The following GMPS variants were observed in gnomAD, a reference collection of about 807,000 sequenced individuals.
GMPS encodes the protein GMP synthase [glutamine-hydrolyzing].
GMPS carries 15 observed loss-of-function variants against 77.9 expected under a neutral mutation model. The observed-to-expected ratio is 0.19, with a 90% CI of 0.13 to 0.30. The LOEUF (loss-of-function observed/expected upper bound fraction) is 0.30, where lower values mean the gene tolerates loss of function less well. GMPS is among the 10% of genes least tolerant of loss of function. GMPS has a pLI of 1.00. For missense variants in GMPS, 590 were observed against 838.8 expected, an observed-to-expected ratio of 0.70 and a Z score of 3.66; for synonymous variants, 224 against 275.9, an observed-to-expected ratio of 0.81 and a Z score of 1.86.
At chr3:155,925,672 A>G (rs1035346090) in intron 12 of GMPS, among the ~76,000 whole-genome samples, 4 of 152,202 alleles carry the variant, frequency 2.6e-5, no homozygotes, top group Admixed American at 1.3e-4. Flanking sequence ...TGGAACATCT[A>G]TGAACTCTAA....
chr3:155,925,799 G>T (rs576704583), intron 12 of GMPS, among the ~76,000 whole-genome samples: 1 of 152,164 alleles, frequency 6.6e-6, no homozygotes, highest in Admixed American at 6.5e-5. Flanking sequence ...TGTGGTTTTA[G>T]AAGTCTTTAA....
At chr3:155,936,622 C>A in intron 15 of GMPS, 112 bp downstream of exon 15, 2 of 644,820 alleles carry the variant, frequency 3.1e-6, no homozygotes, top group South Asian at 2.3e-5. Flanking sequence ...GTTTTCTGTT[C>A]ATAAGATAGG....
At chr3:155,913,264 G>T (rs945453156) in intron 7 of GMPS, among the ~76,000 whole-genome samples, 1 of 152,132 alleles carries the variant, frequency 6.6e-6, no homozygotes, top group Admixed American at 6.5e-5. Context: ...GTCATCTTAC[G>T]GTGAAGGCCT....
At position 155,912,953 on chromosome 3, in the gene GMPS, T is replaced by G. The variant is rs1278357196; in HGVS notation, c.887-1466T>G. On this transcript the variant is annotated intron_variant, in intron 7 of 15. Coordinates refer to ENST00000496455, the MANE Select transcript of GMPS (RefSeq NM_003875.3). ...TCCTTAGCACAGGAGCAAACTGTGC[T>G]CTCCTTCCCCATCAGAACACTGTGG... Among the ~76,000 whole-genome samples, 7 of 152,278 alleles carry G rather than the reference T, an allele frequency of 4.6e-5. No homozygotes were observed. In the East Asian group the frequency reaches 1.3e-3, roughly 29 times the overall value.
At position 155,943,313 on chromosome 3, in the gene GMPS, A is replaced by G; in HGVS notation, c.*5621A>G. 5.5e-6 allele frequency: 1 copy of G among 181,242 alleles called. No homozygotes were observed. Among genetic ancestry groups the G allele is most frequent in the Non-Finnish European group, 1.2e-5 (1 of 84,752 alleles). 11.2% of individuals were successfully genotyped at this position (181,242 alleles called of 1,614,324 possible). ...TTAAGGGCCCTTGGTTAGCAAAATTATGAAAGTTTAGGAAATTTGGCTATT... is the reference window on the plus strand; with the variant it reads ...TTAAGGGCCCTTGGTTAGCAAAATTGTGAAAGTTTAGGAAATTTGGCTATT... On this transcript the variant is annotated 3_prime_UTR_variant, in exon 16 of 16. Coordinates refer to ENST00000496455, the MANE Select transcript of GMPS (RefSeq NM_003875.3).
chr3:155,925,393 T>G (rs1251411439), intron 12 of GMPS, 27 bp downstream of exon 12: 1 of 1,535,932 alleles, frequency 6.5e-7, no homozygotes, highest in South Asian at 1.2e-5. Context: ...CATTCACCAG[T>G]GATATACTTT....
chr3:155,942,365 G>A lies in GMPS; in HGVS notation c.*4673G>A, dbSNP rs894335237. 15 of 203,766 alleles carry A rather than the reference G, an allele frequency of 7.4e-5. No individual in the cohort carries two copies. Among genetic ancestry groups the A allele is most frequent in the Non-Finnish European group, 1.4e-4 (14 of 99,546 alleles). The allele number at this position is 203,766 out of a possible 1,614,324, so 12.6% of individuals were successfully genotyped here. On this transcript the variant is annotated 3_prime_UTR_variant, in exon 16 of 16. Transcript: ENST00000496455. ...GGCCTCTCAGAGTGCTGGGATTACAGGCGTGAGCCACCACGCCCGGCAAGC... is the reference window on the plus strand; with the variant it reads ...GGCCTCTCAGAGTGCTGGGATTACAAGCGTGAGCCACCACGCCCGGCAAGC...
intron 12 of GMPS, among the ~76,000 whole-genome samples, chr3:155,930,678 AC>A (rs1755592175): frequency 6.6e-6 from 1 of 152,194 alleles, no homozygotes; most frequent in African/African-American, 2.4e-5. Flanking sequence ...AAAACAAACA[AC>A]CCCATAAAAT....
In GMPS at chr3:155,936,403, C is replaced by T. The variant is rs761115393; in HGVS notation, c.1873C>T (p.Leu625Phe). 1.5e-5 allele frequency: 24 copies of T among 1,608,832 alleles called. 1 individual carries two copies. In the South Asian group the frequency reaches 2.0e-4, roughly 13 times the overall value. Residue 625 changes from leucine to phenylalanine, a missense_variant, in exon 15 of 16, where the codon CTT becomes TTT. By Grantham distance (22) the Leu-to-Phe change is conservative. Coordinates refer to ENST00000496455, the MANE Select transcript of GMPS (RefSeq NM_003875.3). ...LTPLHFDRDP[L>F]QKQPSCQRSV... is the part of the protein sequence containing the mutation. ...ACCATTACATTTTGATCGGGACCCA[C>T]TTCAAAAGCAGCCTTCATGCCAGAG...
rs993903701 is a variant in GMPS, at chr3:155,940,931, C to G, written c.*3239C>G. ...ATCAAAGTTTTCCTGGTAGGAATCT[C>G]TCTTTACTGCGTGTTTTTTTGAAAA... On this transcript the variant is annotated 3_prime_UTR_variant, in exon 16 of 16. Transcript: ENST00000496455. 1 of 211,460 alleles carries G rather than the reference C, an allele frequency of 4.7e-6. No homozygotes were observed. Among genetic ancestry groups the G allele is most frequent in the Non-Finnish European group, 9.6e-6 (1 of 104,362 alleles). The allele number at this position is 211,460 out of a possible 1,614,324, so 13.1% of individuals were successfully genotyped here.
rs1408878890 is a variant in GMPS at position 155,940,654 on chromosome 3, A to G, written c.*2962A>G. 3 of 217,296 alleles carry G rather than the reference A, an allele frequency of 1.4e-5. No homozygotes were observed. The highest frequency in any genetic ancestry group is 5.8e-5 in the Admixed American group (1 of 17,190). 13.5% of individuals were successfully genotyped at this position (217,296 alleles called of 1,614,324 possible). On this transcript the variant is annotated 3_prime_UTR_variant, in exon 16 of 16. Transcript: ENST00000496455. ...CTGTGACATGAGGTAACTGTATTAA[A>G]TTTTCAGCATCAAATCCAGCTATAA...
chr3:155,877,971 G>T (rs539788616), intron 1 of GMPS, among the ~76,000 whole-genome samples: 98 of 152,054 alleles, frequency 6.4e-4, no homozygotes, highest in Non-Finnish European at 1.2e-3. Flanking sequence ...ACGGGGTTTT[G>T]CTATGTTGAC....
intron 1 of GMPS, among the ~76,000 whole-genome samples, chr3:155,886,568 CAAA>C (rs371278045): frequency 4.5e-5 from 2 of 44,162 alleles, no homozygotes; most frequent in East Asian, 7.8e-4. Context: ...GAGTCCATCT[CAAA>C]AAAAAAAAAA....
In GMPS at chr3:155,874,687, C is replaced by T. The variant is rs1167520453; in HGVS notation, c.27+3790C>T. Among the ~76,000 whole-genome samples, 4 of 151,816 alleles carry T rather than the reference C, an allele frequency of 2.6e-5. No individual in the cohort carries two copies. The East Asian group carries it at 7.7e-4, about 29-fold the overall frequency. On this transcript the variant is annotated intron_variant, in intron 1 of 15. Transcript: ENST00000496455. ...GAATCTCGGATGACATTGCCTTTAG[C>T]GTGGGCCAACTTGTCACTTAAGGAA... is the stretch of plus-strand genomic sequence containing the variant.
chr3:155,874,992 C>T (rs549690146), intron 1 of GMPS, among the ~76,000 whole-genome samples: 4 of 142,756 alleles, frequency 2.8e-5, no homozygotes, highest in Non-Finnish European at 6.0e-5. Context: ...ACTGCAATGT[C>T]CGCCTCCCTG....
chr3:155,940,740 G>GGTT lies in GMPS; in HGVS notation c.*3048_*3049insGTT. ...AGACAGAATGGAGAAGCTGGATAGT[G>GGTT]TTTTTTTTTTTTTTTTTTAAGGTTC... is the stretch of plus-strand genomic sequence containing the variant. On this transcript the variant is annotated 3_prime_UTR_variant, in exon 16 of 16. Coordinates refer to ENST00000496455, the MANE Select transcript of GMPS (RefSeq NM_003875.3). 1 of 174,988 alleles carries GGTT rather than the reference G, an allele frequency of 5.7e-6. No individual in the cohort carries two copies. The highest frequency in any genetic ancestry group is 1.2e-5 in the Non-Finnish European group (1 of 86,036). 10.8% of individuals were successfully genotyped at this position (174,988 alleles called of 1,614,324 possible). A position where few individuals can be genotyped will look rare whatever the true frequency, so the allele number is the denominator to read the frequency against.
At chr3:155,887,301 C>T (rs1170005232) in intron 1 of GMPS, among the ~76,000 whole-genome samples, 2 of 152,182 alleles carry the variant, frequency 1.3e-5, no homozygotes, top group Admixed American at 6.5e-5. Flanking sequence ...CTTTTAAGCA[C>T]ACTGGCATGT....
chr3:155,891,603 A>C (rs1022139935), intron 1 of GMPS, among the ~76,000 whole-genome samples: 7 of 119,776 alleles, frequency 5.8e-5, no homozygotes, highest in African/African-American at 1.9e-4. Context: ...TTTGTTTGTT[A>C]CTTTTTTTTT....
intron 9 of GMPS, among the ~76,000 whole-genome samples, chr3:155,918,986 A>G (rs1172336916): frequency 1.3e-5 from 2 of 152,176 alleles, no homozygotes; most frequent in Non-Finnish European, 2.9e-5. Flanking sequence ...GGATTGGTTT[A>G]CCCTGATTTA....
Sources: gnomAD v4.1 joint callset for allele counts (sites outside exome capture counted in the v4.1 genomes callset) on GRCh38, gnomAD v4.1.1 for gene constraint, MANE v1.5 for transcripts, NCBI Gene and HGNC (gene_info 2026-07-23, HGNC 2026-07-21) for gene names.